Variants in VPS13B observed in about 807,000 individuals in gnomAD.
The protein encoded by VPS13B is intermembrane lipid transfer protein VPS13B.
VPS13B carries 285 observed loss-of-function variants against 426.4 expected under a neutral mutation model. The observed-to-expected ratio is 0.67, with a 90% CI of 0.61 to 0.74. VPS13B has a LOEUF of 0.74. Among genes scored for constraint, VPS13B ranks in the 30% least tolerant of loss-of-function variants. The pLI is 0.00. For synonymous variants in VPS13B, 1,676 were observed against 1,676.4 expected (o/e 1.00, Z 0.01); for missense variants, 4,537 against 4,782.6 (o/e 0.95, Z 1.51).
intron 24 of VPS13B, among the ~76,000 whole-genome samples, chr8:99,468,185 C>T (rs1207312719): frequency 6.6e-6 from 1 of 152,074 alleles, no homozygotes; most frequent in Non-Finnish European, 1.5e-5. Flanking sequence ...TGTGATGTTC[C>T]CCACCCTGTG....
intron 33 of VPS13B, among the ~76,000 whole-genome samples, chr8:99,632,258 T>G (rs894691721): frequency 2.6e-5 from 4 of 151,990 alleles, no homozygotes; most frequent in Non-Finnish European, 5.9e-5. Context: ...TCTTAGCAGT[T>G]TGGAGACTGG....
At chr8:99,749,171 A>G (rs1274221629) in intron 39 of VPS13B, among the ~76,000 whole-genome samples, 1 of 152,182 alleles carries the variant, frequency 6.6e-6, no homozygotes, top group African/African-American at 2.4e-5. Flanking sequence ...CATACAATGC[A>G]TAATAATCAC....
intron 13 of VPS13B, among the ~76,000 whole-genome samples, chr8:99,147,020 A>G (rs895689738): frequency 3.9e-5 from 6 of 152,202 alleles, no homozygotes; most frequent in African/African-American, 1.4e-4. Context: ...GAGATATGCC[A>G]TATATACATG....
intron 44 of VPS13B, among the ~76,000 whole-genome samples, chr8:99,817,155 GC>G (rs971593747): frequency 1.2e-4 from 18 of 151,676 alleles, no homozygotes; most frequent in African/African-American, 4.4e-4. Context: ...CCCCGAGTCT[GC>G]CCTTGGAGTA....
At chr8:99,708,845 C>A (rs547877156) in intron 36 of VPS13B, among the ~76,000 whole-genome samples, 4,483 of 145,998 alleles carry the variant, frequency 0.031, 95 homozygotes, top group East Asian at 0.082. Context: ...CTCTCTCTCT[C>A]TCTCTATATA....
chr8:99,812,431 C>G (rs1377870930), intron 44 of VPS13B, among the ~76,000 whole-genome samples: 2 of 152,192 alleles, frequency 1.3e-5, no homozygotes, highest in African/African-American at 2.4e-5. Flanking sequence ...TTGCAATAAA[C>G]TGCAGCTGCC....
intron 33 of VPS13B, among the ~76,000 whole-genome samples, chr8:99,589,062 G>T (rs1826457707): frequency 1.3e-5 from 2 of 151,732 alleles, no homozygotes; most frequent in African/African-American, 4.9e-5. Context: ...TAATCATGTG[G>T]TTTTTGTCAT....
chr8:99,797,332 G>C (rs1003624224), intron 43 of VPS13B, among the ~76,000 whole-genome samples: 3 of 151,816 alleles, frequency 2.0e-5, no homozygotes, highest in African/African-American at 4.8e-5. Context: ...CTCTGACTCC[G>C]GGGCTCAAGC....
chr8:99,260,886 T>C (rs1818005706), intron 17 of VPS13B, among the ~76,000 whole-genome samples: 1 of 152,084 alleles, frequency 6.6e-6, no homozygotes, highest in Non-Finnish European at 1.5e-5. Context: ...ACATAGTAGA[T>C]CAATCAAAGT....
intron 19 of VPS13B, among the ~76,000 whole-genome samples, chr8:99,328,114 C>T (rs1810375005): frequency 6.6e-6 from 1 of 152,144 alleles, no homozygotes; most frequent in African/African-American, 2.4e-5. Context: ...AGATCAGCTG[C>T]AACATTAGAT....
chr8:99,611,719 CTCTTT>C (rs1379916977), intron 33 of VPS13B, among the ~76,000 whole-genome samples: 1 of 151,894 alleles, frequency 6.6e-6, no homozygotes, highest in African/African-American at 2.4e-5. Flanking sequence ...GCTTTTTGCT[CTCTTT>C]TAACACTAGT....
intron 39 of VPS13B, among the ~76,000 whole-genome samples, chr8:99,732,767 G>C (rs972044022): frequency 6.6e-6 from 1 of 152,300 alleles, no homozygotes; most frequent in South Asian, 2.1e-4. Context: ...GAAGCAAATG[G>C]GATTTTCGAA....
At chr8:99,035,879 T>A (rs1842721115) in intron 2 of VPS13B, among the ~76,000 whole-genome samples, 1 of 152,200 alleles carries the variant, frequency 6.6e-6, no homozygotes, top group South Asian at 2.1e-4. Context: ...GTGGTTTTTT[T>A]ATTTGTATTT....
chr8:99,673,151 T>C (rs1830787907), intron 35 of VPS13B, among the ~76,000 whole-genome samples: 1 of 152,112 alleles, frequency 6.6e-6, no homozygotes, highest in Admixed American at 6.6e-5. Flanking sequence ...ATAGAATAAA[T>C]TTGGAAATAT....
At chr8:99,234,866 G>A (rs2132868435) in intron 17 of VPS13B, among the ~76,000 whole-genome samples, 1 of 152,246 alleles carries the variant, frequency 6.6e-6, no homozygotes, top group Non-Finnish European at 1.5e-5. Context: ...GAATTAAAAG[G>A]AGAAATAGAA....
rs1832194047 is a variant in VPS13B at position 99,699,833 on chromosome 8, T to C, written c.6355T>C (p.Ser2119Pro). 6.2e-7 allele frequency: 1 copy of C among 1,613,656 alleles called. No individual in the cohort carries two copies. Among genetic ancestry groups the C allele is most frequent in the South Asian group, 1.1e-5 (1 of 91,036 alleles). Residue 2119 changes from serine to proline, a missense_variant, in exon 36 of 62, where the codon TCC (serine) becomes CCC (proline). Coordinates refer to ENST00000357162, the MANE Select transcript of VPS13B (RefSeq NM_152564.5). Reference protein sequence around the residue: ...ISVQTTQIVISMETVPHTSKP... With the variant: ...ISVQTTQIVIPMETVPHTSKP... ...TGTTCAAACTACTCAGATTGTGATC[T>C]CCATGGAAACTGTACCCCATACCAG...
At chr8:99,588,358 G>A (rs1826418511) in intron 33 of VPS13B, among the ~76,000 whole-genome samples, 1 of 151,708 alleles carries the variant, frequency 6.6e-6, no homozygotes, top group South Asian at 2.1e-4. Flanking sequence ...TGTGAAGAAA[G>A]TCATTGGTAG....
At chr8:99,207,487 G>T (rs1022990975) in intron 17 of VPS13B, among the ~76,000 whole-genome samples, 11 of 152,080 alleles carry the variant, frequency 7.2e-5, no homozygotes, top group Non-Finnish European at 1.5e-4. Context: ...GTCCTTTAGT[G>T]AAAGAAAATA....
At chr8:99,478,447 G>GTTTTTTTTTTTTTTTTTT (rs56261645) in intron 24 of VPS13B, among the ~76,000 whole-genome samples, 12 of 85,754 alleles carry the variant, frequency 1.4e-4, no homozygotes, top group Non-Finnish European at 1.9e-4. Context: ...TTTTTGTTTT[G>GTTTTTTTTTTTTTTTTTT]TTTTTTTTTT....
Sources: allele counts gnomAD v4.1 joint callset (sites outside exome capture counted in the v4.1 genomes callset), GRCh38; gene constraint gnomAD v4.1.1; transcripts MANE v1.5; gene names NCBI Gene and HGNC (gene_info 2026-07-23, HGNC 2026-07-21).